The following SLIT1 variants were observed in gnomAD, a reference collection of about 807,000 sequenced individuals.
The protein encoded by SLIT1 is slit homolog 1 protein.
A neutral mutation model predicts 186.1 loss-of-function variants in SLIT1; 66 were observed. That is an observed-to-expected ratio of 0.35 (90% CI 0.29 to 0.44). The LOEUF (loss-of-function observed/expected upper bound fraction) is 0.44. Ranked by LOEUF, SLIT1 falls within the 20% of genes least tolerant of loss-of-function variation. SLIT1 has a pLI of 1.00. For missense variants in SLIT1, 1,638 were observed against 2,037.4 expected (o/e 0.80, Z 3.77); for synonymous variants, 761 against 833.8 (o/e 0.91, Z 1.50).
chr10:97,100,221 C>A (rs1042512105), intron 4 of SLIT1, among the ~76,000 whole-genome samples: 1 of 152,148 alleles, frequency 6.6e-6, no homozygotes, highest in Non-Finnish European at 1.5e-5. Flanking sequence ...TGAGCTGGGA[C>A]CCGGCATGCA....
chr10:97,063,562 C>T lies in SLIT1; in HGVS notation c.686G>A (p.Trp229Ter). Residue 229 changes from tryptophan (W) to a stop codon, truncating the protein, a stop_gained, in exon 8 of 37, where the codon TGG (tryptophan) becomes TAG (stop). Transcript: ENST00000266058. LOFTEE classifies it high-confidence loss of function. ...CCCGATGGTTGGCCGCTGCCTCAGCCACTGCGAGAGCCAGGCCAGGTGGCA... is the reference window on the plus strand; with the variant it reads ...CCCGATGGTTGGCCGCTGCCTCAGCTACTGCGAGAGCCAGGCCAGGTGGCA... ...CDCHLAWLSQ[W>*]LRQRPTIGLF... 6.2e-7 allele frequency: 1 copy of T among 1,613,396 alleles called. No homozygotes were observed. Among genetic ancestry groups the T allele is most frequent in the Non-Finnish European group, 8.5e-7 (1 of 1,179,914 alleles).
At position 97,043,390 on chromosome 10, in the gene SLIT1, G is replaced by C; in HGVS notation, c.1977C>G (p.Thr659=). 1 of 1,613,712 alleles carries C rather than the reference G, an allele frequency of 6.2e-7. No homozygotes were observed. The highest frequency in any genetic ancestry group is 1.3e-5 in the African/African-American group (1 of 75,028). ...CTCACAGTGTGGAGAGGGACTGGAG[G>C]GTGTCGAAGGCTCCTGGGGATACGG... The part of the protein sequence containing the change: ...ITTVSPGAFD[T]LQSLSTLNLL... Residue 659 remains threonine, a synonymous_variant, in exon 19 of 37, where the codon ACC becomes ACG. Coordinates refer to ENST00000266058, the MANE Select transcript of SLIT1 (RefSeq NM_003061.3). The surrounding 1 kb of genome is among the most constrained non-coding windows in gnomAD (Gnocchi z 7.0).
intron 26 of SLIT1, among the ~76,000 whole-genome samples, chr10:97,020,383 C>A (rs1414656539): frequency 6.6e-6 from 1 of 152,128 alleles, no homozygotes; most frequent in Non-Finnish European, 1.5e-5. Context: ...TGTTCTCTTT[C>A]GATAAAAATA....
intron 2 of SLIT1, 131 bp downstream of exon 2, chr10:97,164,688 G>T: frequency 1.4e-6 from 1 of 719,558 alleles, no homozygotes; most frequent in Non-Finnish European, 2.5e-6. Flanking sequence ...CCCTCAGGAT[G>T]TCTTGCCAAG....
intron 4 of SLIT1, among the ~76,000 whole-genome samples, chr10:97,119,200 C>T (rs138579705): frequency 6.6e-6 from 1 of 152,340 alleles, no homozygotes; most frequent in African/African-American, 2.4e-5. Context: ...TGGGAAACTC[C>T]TCAGGGAACC....
chr10:97,165,040 C>T, intron 1 of SLIT1, 150 bp from the exon 2 acceptor site: 1 of 645,340 alleles, frequency 1.5e-6, no homozygotes, highest in Middle Eastern at 2.8e-4. Context: ...TGTGTCAAGA[C>T]CCAACAAGCT....
chr10:97,016,983 C>T (rs1589363969), intron 28 of SLIT1, among the ~76,000 whole-genome samples: 2 of 152,136 alleles, frequency 1.3e-5, no homozygotes, highest in Admixed American at 1.3e-4. Flanking sequence ...GGCAGGGTAG[C>T]GGGAGTAGAC....
chr10:97,185,442 C>A, intron 1 of SLIT1, 36 bp downstream of exon 1: 1 of 1,595,630 alleles, frequency 6.3e-7, no homozygotes, highest in Non-Finnish European at 8.5e-7. Context: ...AGGGCAACCT[C>A]GGAGCCAGGG....
chr10:97,166,588 A>G (rs1257740790), intron 1 of SLIT1, among the ~76,000 whole-genome samples: 1 of 95,736 alleles, frequency 1.0e-5, no homozygotes. Flanking sequence ...AGAAAGAAAG[A>G]AAGAAAGAAA....
At chr10:97,071,332 C>T (rs757861978) in intron 4 of SLIT1, among the ~76,000 whole-genome samples, 1 of 152,138 alleles carries the variant, frequency 6.6e-6, no homozygotes, top group Non-Finnish European at 1.5e-5. Context: ...TCCACAGAGT[C>T]AGGAAGGCGG....
chr10:97,134,315 G>A (rs146829600), intron 4 of SLIT1, among the ~76,000 whole-genome samples: 14 of 152,262 alleles, frequency 9.2e-5, no homozygotes, highest in South Asian at 2.1e-4. Flanking sequence ...TTCTACAGGC[G>A]TTATTGTGCC....
chr10:97,133,703 CGAG>C lies in SLIT1; in HGVS notation c.413+24112_413+24114del, dbSNP rs201899165. Among the ~76,000 whole-genome samples the C allele has an allele frequency of 1.2e-3, 180 of 152,134 alleles. 3 individuals are homozygous for C. In the East Asian group the frequency reaches 0.028, roughly 24 times the overall value. ...TTTTTTTAATAAAATAAAAGTGAAA[CGAG>C]GACTATTTTGCAAGTAGATTACATA... On this transcript the variant is annotated intron_variant, in intron 4 of 36. Coordinates refer to ENST00000266058, the MANE Select transcript of SLIT1 (RefSeq NM_003061.3).
Position 97,003,618 on chromosome 10 carries a change from G to A in SLIT1, c.3865+450C>T, listed in dbSNP as rs111475229. Reference sequence around the variant, plus strand: ...CAATACCGAGAAATGCTTGCAGGTGGTAGACGGGGTCATCTAGCCTGCAAA... The same window carrying A: ...CAATACCGAGAAATGCTTGCAGGTGATAGACGGGGTCATCTAGCCTGCAAA... On this transcript the variant is annotated intron_variant, in intron 34 of 36. Transcript: ENST00000266058. 1.3e-3 allele frequency among the ~76,000 whole-genome samples: 193 copies of A among 152,294 alleles called. No individual in the cohort carries two copies. In the Middle Eastern group the frequency reaches 0.014, roughly 11 times the overall value.
chr10:97,055,203 C>T (rs894464125), intron 13 of SLIT1, among the ~76,000 whole-genome samples: 6 of 152,112 alleles, frequency 3.9e-5, no homozygotes, highest in South Asian at 2.1e-4. Flanking sequence ...GGTGACAGAG[C>T]GACACTCCAG....
intron 3 of SLIT1, among the ~76,000 whole-genome samples, chr10:97,162,112 G>A (rs1272577995): frequency 6.6e-6 from 1 of 152,200 alleles, no homozygotes; most frequent in Non-Finnish European, 1.5e-5. Context: ...TCACTATAAT[G>A]AGAGTTAGTG....
intron 1 of SLIT1, among the ~76,000 whole-genome samples, chr10:97,174,926 A>G (rs1396032364): frequency 6.6e-6 from 1 of 152,252 alleles, no homozygotes; most frequent in African/African-American, 2.4e-5. Flanking sequence ...TACCATCTTA[A>G]TCCTTAAGTG....
At chr10:97,046,203 G>A (rs1221117134) in intron 18 of SLIT1, among the ~76,000 whole-genome samples, 1 of 152,164 alleles carries the variant, frequency 6.6e-6, no homozygotes, top group Non-Finnish European at 1.5e-5. Flanking sequence ...CCAGATTCTG[G>A]TCAGCTCAGG....
intron 4 of SLIT1, among the ~76,000 whole-genome samples, chr10:97,078,589 C>T (rs541415847): frequency 6.6e-6 from 1 of 152,318 alleles, no homozygotes; most frequent in South Asian, 2.1e-4. Flanking sequence ...GGAACAGCAG[C>T]TCAGAGGCTA....
intron 4 of SLIT1, among the ~76,000 whole-genome samples, chr10:97,143,548 A>C (rs968826076): frequency 2.0e-5 from 3 of 152,246 alleles, no homozygotes; most frequent in Admixed American, 6.5e-5. Context: ...ATGAATGTGA[A>C]CATATTTAAC....
Sources: gnomAD v4.1 joint callset for allele counts (sites outside exome capture counted in the v4.1 genomes callset) on GRCh38, gnomAD v4.1.1 for gene constraint, Gnocchi (gnomAD v3.1) non-coding constraint, MANE v1.5 for transcripts, NCBI Gene and HGNC (gene_info 2026-07-23, HGNC 2026-07-21) for gene names.